Variants in TRPM3 observed in about 807,000 individuals in gnomAD.
TRPM3 encodes long transient receptor potential channel 3.
TRPM3 carries 77 observed loss-of-function variants against 181.2 expected under a neutral mutation model. The observed-to-expected ratio is 0.42, with a 90% CI of 0.35 to 0.51. The LOEUF (loss-of-function observed/expected upper bound fraction) is 0.51, where lower values mean the gene tolerates loss of function less well. Ranked by LOEUF, TRPM3 falls within the 20% of genes least tolerant of loss-of-function variation. The pLI, the probability that TRPM3 is intolerant of heterozygous loss-of-function variation, is 0.01. For synonymous variants in TRPM3, 745 were observed against 796.4 expected (o/e 0.94, Z 1.09); for missense variants, 1,759 against 2,196.7 (o/e 0.80, Z 3.98).
intron 1 of TRPM3, among the ~76,000 whole-genome samples, chr9:70,972,941 C>T (rs2097261702): frequency 1.3e-5 from 2 of 152,086 alleles, no homozygotes; most frequent in African/African-American, 4.8e-5. Flanking sequence ...AATCTAACCC[C>T]TACATAAGAC....
intron 6 of TRPM3, among the ~76,000 whole-genome samples, chr9:70,807,372 G>T (rs896875023): frequency 5.3e-5 from 8 of 152,142 alleles, no homozygotes; most frequent in African/African-American, 1.9e-4. Flanking sequence ...CAGACTAAAT[G>T]CTTTTATGCC....
chr9:71,262,244 G>C (rs1377685031), intron 1 of TRPM3, among the ~76,000 whole-genome samples: 1 of 152,154 alleles, frequency 6.6e-6, no homozygotes, highest in East Asian at 1.9e-4. Flanking sequence ...AGGCAGTCTG[G>C]CTATAGCTGC....
chr9:71,229,105 G>A (rs1442559434), intron 1 of TRPM3, among the ~76,000 whole-genome samples: 2 of 152,062 alleles, frequency 1.3e-5, no homozygotes, highest in East Asian at 1.9e-4. Context: ...GCATGGTACT[G>A]GCATAAAAAC....
At chr9:71,396,494 T>G (rs1331791709) in intron 1 of TRPM3, among the ~76,000 whole-genome samples, 1 of 152,034 alleles carries the variant, frequency 6.6e-6, no homozygotes, top group Non-Finnish European at 1.5e-5. Flanking sequence ...TTCATTACCA[T>G]GGAAAAGAAT....
chr9:71,289,483 G>T (rs2085597277), intron 1 of TRPM3, among the ~76,000 whole-genome samples: 1 of 152,124 alleles, frequency 6.6e-6, no homozygotes. Context: ...GGAGCAAGGA[G>T]ATACAAAATA....
intron 8 of TRPM3, among the ~76,000 whole-genome samples, chr9:70,685,541 G>A (rs1190006893): frequency 2.0e-5 from 3 of 152,102 alleles, no homozygotes; most frequent in East Asian, 3.9e-4. Flanking sequence ...GAGTACCTGG[G>A]ACTACAGTCA....
chr9:71,218,320 T>C (rs1439651003), intron 1 of TRPM3, among the ~76,000 whole-genome samples: 1 of 152,190 alleles, frequency 6.6e-6, no homozygotes, highest in Non-Finnish European at 1.5e-5. Context: ...TCCAGCGCTC[T>C]CTATATATTA....
At chr9:71,103,517 A>G (rs1469526099) in intron 1 of TRPM3, among the ~76,000 whole-genome samples, 1 of 152,206 alleles carries the variant, frequency 6.6e-6, no homozygotes, top group Non-Finnish European at 1.5e-5. Context: ...TGATATTTAA[A>G]ATTTATTTAG....
At chr9:71,272,707 A>G (rs1040837083) in intron 1 of TRPM3, among the ~76,000 whole-genome samples, 1 of 151,468 alleles carries the variant, frequency 6.6e-6, no homozygotes, top group African/African-American at 2.4e-5. Context: ...ATATTCTCAT[A>G]CTATACTTTT....
intron 14 of TRPM3, 114 bp from the exon 15 acceptor site, chr9:70,621,387 C>CCTTGTCTCAATAA: frequency 1.5e-6 from 1 of 662,370 alleles, no homozygotes; most frequent in Non-Finnish European, 2.3e-6. Context: ...TTTATTGAGA[C>CCTTGTCTCAATAA]AAGGTCTCAC....
At chr9:70,932,280 G>A (rs1181130941) in intron 1 of TRPM3, among the ~76,000 whole-genome samples, 1 of 152,060 alleles carries the variant, frequency 6.6e-6, no homozygotes, top group Non-Finnish European at 1.5e-5. Context: ...GAGTGGGGAA[G>A]AGGGCCTTCG....
intron 1 of TRPM3, among the ~76,000 whole-genome samples, chr9:71,333,839 A>C (rs911581148): frequency 1.3e-5 from 2 of 151,968 alleles, no homozygotes; most frequent in Admixed American, 1.3e-4. Context: ...TTTCAGGAGC[A>C]GTTGGAAATC....
chr9:70,974,928 C>T (rs992390963), intron 1 of TRPM3, among the ~76,000 whole-genome samples: 9 of 135,176 alleles, frequency 6.7e-5, no homozygotes, highest in African/African-American at 1.4e-4. Context: ...AGTGCAGTGG[C>T]GTGATCTTGG....
intron 1 of TRPM3, among the ~76,000 whole-genome samples, chr9:71,049,976 G>C (rs1422898181): frequency 6.6e-6 from 1 of 151,956 alleles, no homozygotes; most frequent in Non-Finnish European, 1.5e-5. Context: ...TTGTTGAGAG[G>C]GTAAGTCCTA....
intron 9 of TRPM3, among the ~76,000 whole-genome samples, chr9:70,644,029 G>C (rs2133643959): frequency 6.6e-6 from 1 of 152,288 alleles, no homozygotes; most frequent in African/African-American, 2.4e-5. Flanking sequence ...AGAGAAGTCT[G>C]TAATTAAATA....
At chr9:71,266,974 AAT>A (rs200511556) in intron 1 of TRPM3, among the ~76,000 whole-genome samples, 1 of 152,212 alleles carries the variant, frequency 6.6e-6, no homozygotes, top group African/African-American at 2.4e-5. Flanking sequence ...AAAAAAAAAA[AAT>A]GTCATACCAA....
intron 22 of TRPM3, among the ~76,000 whole-genome samples, chr9:70,582,932 C>A (rs1446770328): frequency 6.6e-6 from 1 of 152,088 alleles, no homozygotes; most frequent in Non-Finnish European, 1.5e-5. Context: ...ATGCGTGGAA[C>A]CTATGTGTTT....
chr9:71,032,155 T>TATTATATAATATATTATATATACTATAG, intron 1 of TRPM3, among the ~76,000 whole-genome samples: 1 of 104,508 alleles, frequency 9.6e-6, no homozygotes, highest in Non-Finnish European at 1.9e-5. Flanking sequence ...ATATACTATA[T>TATTATATAATATATTATATATACTATAG]ATTATATAAT....
At chr9:70,805,482 C>A (rs1260743380) in intron 6 of TRPM3, among the ~76,000 whole-genome samples, 2 of 143,036 alleles carry the variant, frequency 1.4e-5, no homozygotes, top group Non-Finnish European at 3.0e-5. Flanking sequence ...TGCAGTGAGC[C>A]GAGATTGCGG....
Sources: allele counts gnomAD v4.1 joint callset (sites outside exome capture counted in the v4.1 genomes callset), GRCh38; gene constraint gnomAD v4.1.1; transcripts MANE v1.5; gene names NCBI Gene and HGNC (gene_info 2026-07-23, HGNC 2026-07-21).